CPNE8: variants seen among roughly 807,000 people sequenced by gnomAD.
CPNE8 encodes the protein copine 8.
Under a neutral mutation model 81.5 loss-of-function variants are expected in CPNE8, and 45 were observed. That is an observed-to-expected ratio of 0.55 (90% CI 0.44 to 0.71). CPNE8 has a LOEUF of 0.71. Ranked by LOEUF, CPNE8 falls within the 30% of genes least tolerant of loss-of-function variation. The pLI is 0.00. For missense variants in CPNE8, 594 were observed against 672.1 expected (o/e 0.88, Z 1.28); for synonymous variants, 252 against 226.3 (o/e 1.11, Z -1.02).
chr12:38,797,130 AC>A (rs1200946012), intron 6 of CPNE8, among the ~76,000 whole-genome samples: 1 of 152,176 alleles, frequency 6.6e-6, no homozygotes, highest in Non-Finnish European at 1.5e-5. Flanking sequence ...GCACAGACAA[AC>A]AAAAAGACAG....
intron 7 of CPNE8, among the ~76,000 whole-genome samples, chr12:38,775,533 C>T (rs1941913588): frequency 6.6e-6 from 1 of 152,096 alleles, no homozygotes. Context: ...GATCTGCTGG[C>T]CCACATTAAA....
chr12:38,741,069 A>G lies in CPNE8; in HGVS notation c.723-10711T>C, dbSNP rs112927170. On this transcript the variant is annotated intron_variant, in intron 10 of 19. Coordinates refer to ENST00000331366, the MANE Select transcript of CPNE8 (RefSeq NM_153634.3). The stretch of plus-strand genomic sequence containing the variant: ...ATGGAAGAACATTCCATGCTCATGG[A>G]TAGGAAGAATCAATATCATGAAAAT... Among the ~76,000 whole-genome samples, 137 of 152,256 alleles carry G rather than the reference A, an allele frequency of 9.0e-4. 1 individual carries two copies. The highest frequency in any genetic ancestry group is 2.6e-3 in the African/African-American group (110 of 41,542).
At chr12:38,872,129 C>G (rs1405226127) in intron 3 of CPNE8, among the ~76,000 whole-genome samples, 2 of 151,882 alleles carry the variant, frequency 1.3e-5, no homozygotes, top group African/African-American at 2.4e-5. Flanking sequence ...GAGTGAAACT[C>G]TGTCTCAAAC....
At chr12:38,756,849 G>A (rs1302072352) in intron 10 of CPNE8, among the ~76,000 whole-genome samples, 1 of 152,070 alleles carries the variant, frequency 6.6e-6, no homozygotes, top group African/African-American at 2.4e-5. Flanking sequence ...TTCAAATGTA[G>A]GTAGTCTGAA....
At chr12:38,893,655 T>G (rs970657943) in intron 1 of CPNE8, among the ~76,000 whole-genome samples, 1 of 152,200 alleles carries the variant, frequency 6.6e-6, no homozygotes, top group African/African-American at 2.4e-5. Flanking sequence ...CCTAAATTCT[T>G]TCTTTCACGA....
intron 15 of CPNE8, among the ~76,000 whole-genome samples, chr12:38,690,331 A>G (rs1939645626): frequency 6.6e-6 from 1 of 152,212 alleles, no homozygotes; most frequent in Non-Finnish European, 1.5e-5. Context: ...AGCAAGAATG[A>G]AATCAAATAC....
At chr12:38,853,336 A>G (rs1943677974) in intron 3 of CPNE8, among the ~76,000 whole-genome samples, 1 of 152,178 alleles carries the variant, frequency 6.6e-6, no homozygotes, top group Admixed American at 6.5e-5. Context: ...ACCCAGAAAC[A>G]GCTACATTTT....
At position 38,755,825 on chromosome 12, in the gene CPNE8, A is replaced by G. The variant is rs554657197; in HGVS notation, c.722+5022T>C. Reference sequence around the variant, plus strand: ...GGAGGCCGAGGCGGGCGGATCACGAAGTCAGGAGATCGAGACCATCCCGGC... The same window carrying G: ...GGAGGCCGAGGCGGGCGGATCACGAGGTCAGGAGATCGAGACCATCCCGGC... On this transcript the variant is annotated intron_variant, in intron 10 of 19. Transcript: ENST00000331366. Among the ~76,000 whole-genome samples, 720 of 151,908 alleles carry G rather than the reference A, an allele frequency of 4.7e-3. 5 individuals are homozygous for G. The highest frequency in any genetic ancestry group is 0.016 in the African/African-American group (660 of 41,482).
intron 6 of CPNE8, among the ~76,000 whole-genome samples, chr12:38,788,954 G>A (rs984306489): frequency 6.6e-6 from 1 of 151,612 alleles, no homozygotes; most frequent in African/African-American, 2.4e-5. Context: ...AATTAAAGAG[G>A]ACACCAAAAA....
At chr12:38,733,547 TTAATA>T (rs1211174685) in intron 10 of CPNE8, among the ~76,000 whole-genome samples, 22 of 151,856 alleles carry the variant, frequency 1.4e-4, no homozygotes, top group African/African-American at 5.1e-4. Flanking sequence ...CTATTTCCTG[TTAATA>T]TAATTATAAC....
At chr12:38,741,847 T>A (rs1941114307) in intron 10 of CPNE8, among the ~76,000 whole-genome samples, 1 of 151,722 alleles carries the variant, frequency 6.6e-6, no homozygotes. Context: ...AACAACCCCA[T>A]CAAAAAGTGG....
At chr12:38,810,065 A>G (rs1195704376) in intron 6 of CPNE8, among the ~76,000 whole-genome samples, 4 of 152,190 alleles carry the variant, frequency 2.6e-5, no homozygotes, top group African/African-American at 4.8e-5. Context: ...AGAAATTGCA[A>G]TTGAGTAGTT....
chr12:38,763,344 C>A (rs1052721288), intron 8 of CPNE8, among the ~76,000 whole-genome samples: 5 of 152,092 alleles, frequency 3.3e-5, no homozygotes, highest in African/African-American at 1.2e-4. Flanking sequence ...GGATGCATGA[C>A]AATGAGCAAA....
At chr12:38,676,333 G>C in intron 17 of CPNE8, 1 of 983,864 alleles carries the variant, frequency 1.0e-6, no homozygotes, top group Non-Finnish European at 1.2e-6. Flanking sequence ...CCAGCCCTGG[G>C]TAAGATCAAA....
chr12:38,694,117 C>A (rs10400455), intron 14 of CPNE8, among the ~76,000 whole-genome samples: 5,466 of 152,014 alleles, frequency 0.036, 263 homozygotes, highest in East Asian at 0.13. Context: ...AGTTTTTGTT[C>A]TGGAAGTATA....
chr12:38,832,189 A>T (rs4595586), intron 5 of CPNE8, among the ~76,000 whole-genome samples: 59,472 of 152,062 alleles, frequency 0.39, 13,780 homozygotes, highest in Non-Finnish European at 0.52. Context: ...CTGGTTTGAT[A>T]AACCCCTGAA....
intron 13 of CPNE8, among the ~76,000 whole-genome samples, chr12:38,703,905 C>A (rs532632339): frequency 3.3e-5 from 5 of 151,980 alleles, no homozygotes; most frequent in Non-Finnish European, 4.4e-5. Flanking sequence ...GAAAATCTAA[C>A]CATAGAAAAA....
intron 10 of CPNE8, among the ~76,000 whole-genome samples, chr12:38,758,126 G>T (rs180822618): frequency 1.6e-3 from 233 of 148,152 alleles, no homozygotes; most frequent in Middle Eastern, 3.6e-3. Flanking sequence ...CTATCTAATG[G>T]CACAAATCAT....
intron 6 of CPNE8, among the ~76,000 whole-genome samples, chr12:38,788,062 C>T (rs181743360): frequency 6.0e-5 from 9 of 149,846 alleles, no homozygotes; most frequent in Admixed American, 1.3e-4. Flanking sequence ...CAATCTTATT[C>T]GAAATATTTT....
Sources: allele counts gnomAD v4.1 joint callset (sites outside exome capture counted in the v4.1 genomes callset), GRCh38; gene constraint gnomAD v4.1.1; transcripts MANE v1.5; gene names NCBI Gene and HGNC (gene_info 2026-07-23, HGNC 2026-07-21).